HMBOX1: variants seen among roughly 807,000 people sequenced by gnomAD.
HMBOX1 encodes homeobox containing 1.
A neutral mutation model predicts 54.5 loss-of-function variants in HMBOX1; 14 were observed. The ratio of observed to expected loss-of-function variants is 0.26; its 90% CI spans 0.17 to 0.40. The LOEUF (loss-of-function observed/expected upper bound fraction) is 0.40. Ranked by LOEUF, HMBOX1 falls within the 10% of genes least tolerant of loss-of-function variation. The probability of loss-of-function intolerance (pLI) is 1.00; values close to 1 mark genes in which losing one functional copy is unlikely to be tolerated. For synonymous variants in HMBOX1, 160 were observed against 181.0 expected, an observed-to-expected ratio of 0.88 and a Z score of 0.93; for missense variants, 332 against 514.4, an observed-to-expected ratio of 0.65 and a Z score of 3.43.
intron 1 of HMBOX1, among the ~76,000 whole-genome samples, chr8:28,910,765 T>C (rs985222425): frequency 6.6e-6 from 1 of 152,178 alleles, no homozygotes; most frequent in Non-Finnish European, 1.5e-5. Context: ...GGGATACATG[T>C]CTTTTATAGA....
Position 28,963,798 on chromosome 8 carries a change from C to A in HMBOX1, c.-57-13C>A. 7.9e-7 allele frequency: 1 copy of A among 1,260,438 alleles called. No homozygotes were observed. 78.1% of individuals were successfully genotyped at this position (1,260,438 alleles called of 1,614,324 possible). ...ACATAAATGTTTCTCAATTTTCTAT[C>A]TTTGTTCTACAGAATGGTAGATAAC... On this transcript the variant is annotated splice_polypyrimidine_tract_variant and intron_variant, in intron 1 of 9. Coordinates refer to ENST00000287701, the MANE Select transcript of HMBOX1 (RefSeq NM_001135726.3).
At chr8:28,901,947 C>A (rs1381711847) in intron 1 of HMBOX1, among the ~76,000 whole-genome samples, 1 of 152,210 alleles carries the variant, frequency 6.6e-6, no homozygotes, top group African/African-American at 2.4e-5. Flanking sequence ...TTAAATCCTT[C>A]TGTCTGAAGA....
At chr8:28,896,178 G>T (rs1327788772) in intron 1 of HMBOX1, among the ~76,000 whole-genome samples, 2 of 152,184 alleles carry the variant, frequency 1.3e-5, no homozygotes, top group Non-Finnish European at 2.9e-5. Context: ...TAGGATTATT[G>T]TGAGCCCTTG....
At chr8:28,897,209 C>T (rs1017587435) in intron 1 of HMBOX1, among the ~76,000 whole-genome samples, 1 of 151,686 alleles carries the variant, frequency 6.6e-6, no homozygotes, top group South Asian at 2.1e-4. Flanking sequence ...GGTCTCGAAT[C>T]CCCCCTCAGG....
intron 4 of HMBOX1, among the ~76,000 whole-genome samples, chr8:29,001,525 C>T (rs1252023251): frequency 4.0e-5 from 6 of 151,388 alleles, no homozygotes; most frequent in Non-Finnish European, 7.4e-5. Flanking sequence ...GCTTCAGCCT[C>T]GGTAATAGAG....
At chr8:28,990,991 T>C (rs1017584038) in intron 4 of HMBOX1, among the ~76,000 whole-genome samples, 1 of 152,192 alleles carries the variant, frequency 6.6e-6, no homozygotes. Flanking sequence ...AGTTTTGTTA[T>C]CATAATAACG....
At chr8:28,890,330 T>C, upstream of HMBOX1, 1 of 172,754 alleles carries the variant, frequency 5.8e-6, no homozygotes, top group South Asian at 1.1e-4. Context: ...TCCGCAATTT[T>C]TCTCAGGGGA....
chr8:28,955,340 G>A (rs540456319), intron 1 of HMBOX1, among the ~76,000 whole-genome samples: 4 of 151,390 alleles, frequency 2.6e-5, no homozygotes, highest in East Asian at 1.9e-4. Flanking sequence ...GTTCCTTTAC[G>A]TGTTGCCCAC....
At chr8:29,018,611 A>T (rs1382039978) in intron 5 of HMBOX1, 149 bp from the exon 6 acceptor site, 2 of 685,590 alleles carry the variant, frequency 2.9e-6, no homozygotes, top group Non-Finnish European at 4.6e-6. Flanking sequence ...ATCAAGCAGG[A>T]ATTTCAAAAG....
intron 1 of HMBOX1, among the ~76,000 whole-genome samples, chr8:28,958,565 G>A (rs907849072): frequency 5.9e-5 from 9 of 151,944 alleles, no homozygotes; most frequent in African/African-American, 9.7e-5. Context: ...ATTCCTCTCC[G>A]TAATCTCTGT....
intron 6 of HMBOX1, among the ~76,000 whole-genome samples, chr8:29,044,074 A>C (rs763547083): frequency 8.5e-5 from 13 of 152,120 alleles, no homozygotes; most frequent in Non-Finnish European, 1.8e-4. Context: ...TAAATAAATA[A>C]ATAACTGGCA....
chr8:28,960,596 T>C (rs1219015162), intron 1 of HMBOX1, among the ~76,000 whole-genome samples: 1 of 151,704 alleles, frequency 6.6e-6, no homozygotes, highest in African/African-American at 2.4e-5. Context: ...CTAAAAGGTA[T>C]ACTGAAATAA....
intron 1 of HMBOX1, among the ~76,000 whole-genome samples, chr8:28,937,585 C>G (rs984367533): frequency 6.6e-6 from 1 of 152,188 alleles, no homozygotes; most frequent in African/African-American, 2.4e-5. Context: ...GAATACTAAC[C>G]TTGAGACTAG....
chr8:28,931,785 C>T (rs980641089), intron 1 of HMBOX1, among the ~76,000 whole-genome samples: 1 of 152,192 alleles, frequency 6.6e-6, no homozygotes, highest in East Asian at 1.9e-4. Context: ...AAGTGATCCT[C>T]CTGCCATGGC....
At chr8:28,892,279 A>G (rs1177106971) in intron 1 of HMBOX1, among the ~76,000 whole-genome samples, 2 of 152,228 alleles carry the variant, frequency 1.3e-5, no homozygotes, top group Non-Finnish European at 2.9e-5. Flanking sequence ...TTCTAAGTCA[A>G]AGTTGGGAAA....
intron 5 of HMBOX1, chr8:29,010,104 A>G (rs1006772962): frequency 1.1e-5 from 11 of 980,338 alleles, no homozygotes; most frequent in African/African-American, 1.8e-5. Flanking sequence ...CTCAATCCGA[A>G]TGGTCCAGGC....
intron 1 of HMBOX1, among the ~76,000 whole-genome samples, chr8:28,939,735 C>T (rs148173493): frequency 0.023 from 3,567 of 152,166 alleles, 95 homozygotes; most frequent in Middle Eastern, 0.034. Flanking sequence ...GTCTCGAACT[C>T]CTGGCCTCTG....
At chr8:29,042,788 A>G in intron 6 of HMBOX1, 2 of 442,560 alleles carry the variant, frequency 4.5e-6, no homozygotes, top group Admixed American at 4.9e-5. Flanking sequence ...TTCGCATGCC[A>G]TGGAGTTCAG....
intron 1 of HMBOX1, among the ~76,000 whole-genome samples, chr8:28,926,298 T>TAC (rs1371203182): frequency 1.7e-4 from 24 of 140,452 alleles, no homozygotes; most frequent in African/African-American, 6.0e-4. Context: ...TATATATATA[T>TAC]ATATATACAC....
Sources: allele counts gnomAD v4.1 joint callset (sites outside exome capture counted in the v4.1 genomes callset), GRCh38; gene constraint gnomAD v4.1.1; transcripts MANE v1.5; gene names NCBI Gene and HGNC (gene_info 2026-07-23, HGNC 2026-07-21).